DLGAP2: variants seen among roughly 807,000 people sequenced by gnomAD.
DLGAP2 encodes the protein DLG associated protein 2.
Under a neutral mutation model 100.3 loss-of-function variants are expected in DLGAP2, and 26 were observed. That is an observed-to-expected ratio of 0.26 (90% CI 0.19 to 0.36). The LOEUF (loss-of-function observed/expected upper bound fraction) is 0.36, where lower values mean the gene tolerates loss of function less well. DLGAP2 is among the 10% of genes least tolerant of loss of function. The probability of loss-of-function intolerance (pLI) is 1.00; values close to 1 mark genes in which losing one functional copy is unlikely to be tolerated. For synonymous variants in DLGAP2, 886 were observed against 630.1 expected (o/e 1.41, Z -6.08); for missense variants, 1,858 against 1,453.2 (o/e 1.28, Z -4.53).
Position 1,609,529 on chromosome 8 carries a change from C to T in DLGAP2, c.1443-17211C>T, listed in dbSNP as rs1212064825. ...AACAACATAATGACAGGATCAAATT[C>T]ACACATAATATTAACTTTAAATGTA... is the stretch of plus-strand genomic sequence containing the variant. On this transcript the variant is annotated intron_variant, in intron 6 of 14. Coordinates refer to ENST00000637795, the MANE Select transcript of DLGAP2 (RefSeq NM_001346810.2). 1.4e-4 allele frequency among the ~76,000 whole-genome samples: 19 copies of T among 136,140 alleles called. 3 individuals are homozygous for T. The highest frequency in any genetic ancestry group is 2.3e-4 in the Non-Finnish European group (14 of 61,388). The allele number at this position is 136,140 out of a possible 152,430, so 89.3% of individuals were successfully genotyped here. A position where few individuals can be genotyped will look rare whatever the true frequency, so the allele number is the denominator to read the frequency against.
chr8:1,418,564 T>C (rs977396633), intron 3 of DLGAP2, among the ~76,000 whole-genome samples: 15 of 152,198 alleles, frequency 9.9e-5, no homozygotes, highest in African/African-American at 3.6e-4. Context: ...GTGCTCTCTC[T>C]GCATTCACAC....
chr8:1,007,745 G>C (rs1375232933), intron 2 of DLGAP2, among the ~76,000 whole-genome samples: 1 of 152,138 alleles, frequency 6.6e-6, no homozygotes, highest in Non-Finnish European at 1.5e-5. Flanking sequence ...GGAAGCAGCT[G>C]ATTTGGGTGT....
At chr8:999,181 C>G (rs1800870684) in intron 2 of DLGAP2, among the ~76,000 whole-genome samples, 1 of 151,832 alleles carries the variant, frequency 6.6e-6, no homozygotes, top group Admixed American at 6.6e-5. Context: ...CCTGTCCAGT[C>G]CCCTCCTCAC....
At chr8:1,044,660 G>C (rs913333350) in intron 2 of DLGAP2, among the ~76,000 whole-genome samples, 2 of 152,120 alleles carry the variant, frequency 1.3e-5, no homozygotes, top group Admixed American at 1.3e-4. Context: ...AGATGACTTC[G>C]ATTCCCATTG....
chr8:1,340,211 G>T (rs181377926), intron 3 of DLGAP2, among the ~76,000 whole-genome samples: 1 of 152,166 alleles, frequency 6.6e-6, no homozygotes, highest in African/African-American at 2.4e-5. Flanking sequence ...AAAAGCAATG[G>T]CAACAAAAGC....
intron 2 of DLGAP2, among the ~76,000 whole-genome samples, chr8:1,135,453 T>G (rs1352442528): frequency 1.3e-5 from 2 of 151,334 alleles, no homozygotes; most frequent in East Asian, 1.9e-4. Context: ...CACGCAGAGA[T>G]AGTTACTTAG....
Position 1,632,876 on chromosome 8 carries a change from T to G in DLGAP2, c.1640T>G (p.Val547Gly). The change falls in exon 8 of 15, where the codon GTC becomes GGC. Residue 547 changes from valine (V) to glycine (G), a missense_variant. Coordinates refer to ENST00000637795, the MANE Select transcript of DLGAP2 (RefSeq NM_001346810.2). Reference sequence around the variant, plus strand: ...CAATTCGAGTCCGTGTGCGAGTCCGTCTTCAGTGAAGTTGAATCTCAGGCC... The same window carrying G: ...CAATTCGAGTCCGTGTGCGAGTCCGGCTTCAGTGAAGTTGAATCTCAGGCC... ...NGQFESVCES[V>G]FSEVESQAMD... 5 of 1,613,914 alleles carry G rather than the reference T, an allele frequency of 3.1e-6. No individual in the cohort carries two copies. The highest frequency in any genetic ancestry group is 4.2e-6 in the Non-Finnish European group (5 of 1,179,850).
chr8:1,057,623 C>T (rs1802922517), intron 2 of DLGAP2, among the ~76,000 whole-genome samples: 1 of 152,182 alleles, frequency 6.6e-6, no homozygotes, highest in Non-Finnish European at 1.5e-5. Context: ...CAAAGTCTTT[C>T]TGGAGAATGT....
intron 5 of DLGAP2, among the ~76,000 whole-genome samples, chr8:1,556,044 C>G (rs1563219130): frequency 2.0e-5 from 3 of 152,254 alleles, no homozygotes; most frequent in Non-Finnish European, 4.4e-5. Flanking sequence ...CTACATGTAA[C>G]TCAAGATGGT....
intron 2 of DLGAP2, among the ~76,000 whole-genome samples, chr8:1,125,457 T>C (rs1796143309): frequency 6.6e-6 from 1 of 152,248 alleles, no homozygotes; most frequent in Non-Finnish European, 1.5e-5. Flanking sequence ...GTAGGTACTA[T>C]ATTTATAATA....
chr8:1,025,131 CAT>C (rs1491469060), intron 2 of DLGAP2, among the ~76,000 whole-genome samples: 22 of 151,278 alleles, frequency 1.5e-4, no homozygotes, highest in African/African-American at 4.1e-4. Context: ...TGTGCGTGTG[CAT>C]GTGTGTGTGC....
chr8:1,266,822 C>A (rs189493150), intron 3 of DLGAP2, among the ~76,000 whole-genome samples: 3 of 152,008 alleles, frequency 2.0e-5, no homozygotes, highest in Non-Finnish European at 4.4e-5. Flanking sequence ...GAATACATGC[C>A]CTCTCCCCAT....
rs552808651 is a variant in DLGAP2, at chr8:1,364,177, G to A, written c.106+105294G>A. On this transcript the variant is annotated intron_variant, in intron 3 of 14. Transcript: ENST00000637795. ...CTCCCACTGGATGACATGTTGCATC[G>A]AGGAGCCCTGTACAGAGGGGAGGGG... Among the ~76,000 whole-genome samples the A allele has an allele frequency of 8.5e-5, 13 of 152,264 alleles. No individual in the cohort carries two copies. In the South Asian group the frequency reaches 1.7e-3, roughly 19 times the overall value.
intron 2 of DLGAP2, among the ~76,000 whole-genome samples, chr8:1,064,294 G>A (rs902051481): frequency 1.3e-5 from 2 of 152,234 alleles, no homozygotes; most frequent in African/African-American, 4.8e-5. Context: ...AAAATAAGTT[G>A]TGTGTATATA....
At chr8:1,424,331 G>A (rs1797181485) in intron 3 of DLGAP2, among the ~76,000 whole-genome samples, 1 of 152,138 alleles carries the variant, frequency 6.6e-6, no homozygotes, top group African/African-American at 2.4e-5. Flanking sequence ...CGTATCAAGG[G>A]CCCACTATGA....
chr8:1,644,044 C>G lies in DLGAP2; in HGVS notation c.1810+10998C>G, dbSNP rs112765633. ...CGCCGGCCCTCACCTGTGTCACCCTCGAACCCGCCGGTCCTCACCTGTGTC... is the reference window on the plus strand; with the variant it reads ...CGCCGGCCCTCACCTGTGTCACCCTGGAACCCGCCGGTCCTCACCTGTGTC... On this transcript the variant is annotated intron_variant, in intron 8 of 14. Coordinates refer to ENST00000637795, the MANE Select transcript of DLGAP2 (RefSeq NM_001346810.2). Among the ~76,000 whole-genome samples, 435 of 52,252 alleles carry G rather than the reference C, an allele frequency of 8.3e-3. 12 individuals are homozygous for G. The highest frequency in any genetic ancestry group is 0.033 in the South Asian group (27 of 810). The allele number at this position is 52,252 out of a possible 152,430, so 34.3% of individuals were successfully genotyped here. A position where few individuals can be genotyped will look rare whatever the true frequency, so the allele number is the denominator to read the frequency against.
At chr8:1,583,518 G>A (rs765357681) in intron 6 of DLGAP2, among the ~76,000 whole-genome samples, 12 of 152,198 alleles carry the variant, frequency 7.9e-5, no homozygotes, top group African/African-American at 1.2e-4. Context: ...AGACCTTGCA[G>A]AGTCAGGCTG....
chr8:760,806 G>A (rs182627114), intron 1 of DLGAP2, among the ~76,000 whole-genome samples: 47 of 152,300 alleles, frequency 3.1e-4, no homozygotes, highest in Admixed American at 2.5e-3. Flanking sequence ...GCTCGGCAGC[G>A]TCCCCCCACC....
At position 1,205,578 on chromosome 8, in the gene DLGAP2, C is replaced by A. The variant is rs529489709; in HGVS notation, c.74-53273C>A. Among the ~76,000 whole-genome samples the A allele has an allele frequency of 3.9e-5, 6 of 152,302 alleles. No homozygotes were observed. The East Asian group carries it at 1.2e-3, about 30-fold the overall frequency. On this transcript the variant is annotated intron_variant, in intron 2 of 14. Coordinates refer to ENST00000637795, the MANE Select transcript of DLGAP2 (RefSeq NM_001346810.2). ...GGAAGCACCCTGGGAGCTTTTACTGCAACACAGAGGCACCAAGAGCTGCCG... is the reference window on the plus strand; with the variant it reads ...GGAAGCACCCTGGGAGCTTTTACTGAAACACAGAGGCACCAAGAGCTGCCG...
Sources: allele counts gnomAD v4.1 joint callset (sites outside exome capture counted in the v4.1 genomes callset), GRCh38; gene constraint gnomAD v4.1.1; transcripts MANE v1.5; gene names NCBI Gene and HGNC (gene_info 2026-07-23, HGNC 2026-07-21).